ABTB3: variants seen among roughly 807,000 people sequenced by gnomAD.
ABTB3 encodes ankyrin repeat and BTB domain containing 3.
chr12:107,510,662 A>ATT, the ABTB3 span, among the ~76,000 whole-genome samples: 1 of 152,054 alleles, frequency 6.6e-6, no homozygotes, highest in Non-Finnish European at 1.5e-5. Flanking sequence ...TGCCTGTGAA[A>ATT]GGAATCCCAG....
the ABTB3 span, among the ~76,000 whole-genome samples, chr12:107,559,171 A>C: frequency 6.6e-6 from 1 of 152,202 alleles, no homozygotes; most frequent in East Asian, 1.9e-4. Context: ...TGCTTCCTGC[A>C]AGAGTCCCAA....
chr12:107,357,248 A>G, the ABTB3 span, among the ~76,000 whole-genome samples: 2,349 of 152,238 alleles, frequency 0.015, 72 homozygotes, highest in African/African-American at 0.054. Context: ...CTGTGCTCCC[A>G]CCTCCACCAA....
chr12:107,445,562 G>C, the ABTB3 span, among the ~76,000 whole-genome samples: 1 of 152,182 alleles, frequency 6.6e-6, no homozygotes, highest in Non-Finnish European at 1.5e-5. Context: ...AGCACTGACA[G>C]AAGAAGGAGA....
chr12:107,581,201 G>A, the ABTB3 span: 2 of 1,536,014 alleles, frequency 1.3e-6, no homozygotes, highest in Admixed American at 2.0e-5. Flanking sequence ...GGTGGCCGTG[G>A]CGCACGCCGG....
At chr12:107,369,706 G>GTTTT in the ABTB3 span, among the ~76,000 whole-genome samples, 3 of 74,776 alleles carry the variant, frequency 4.0e-5, no homozygotes, top group African/African-American at 1.4e-4. Context: ...GCCCAAACAT[G>GTTTT]GTTTTTTTTT....
At chr12:107,460,347 GAA>G in the ABTB3 span, among the ~76,000 whole-genome samples, 1 of 152,178 alleles carries the variant, frequency 6.6e-6, no homozygotes, top group East Asian at 1.9e-4. Flanking sequence ...TTCTGGCTGG[GAA>G]AATGGTTTGA....
At chr12:107,610,346 G>A in the ABTB3 span, 2 of 1,614,016 alleles carry the variant, frequency 1.2e-6, no homozygotes, top group Admixed American at 1.7e-5. Flanking sequence ...TCAACACCAT[G>A]AGCGAACAGG....
chr12:107,414,742 G>A, the ABTB3 span, among the ~76,000 whole-genome samples: 40 of 141,450 alleles, frequency 2.8e-4, no homozygotes, highest in Non-Finnish European at 4.5e-4. Flanking sequence ...TTTTGAGGCA[G>A]AGTCTCACTT....
At chr12:107,418,508 C>A in the ABTB3 span, among the ~76,000 whole-genome samples, 100 of 152,338 alleles carry the variant, frequency 6.6e-4, no homozygotes, top group Non-Finnish European at 1.0e-3. Flanking sequence ...TCACTCCAGC[C>A]CCAGCCCACC....
At chr12:107,429,830 T>A in the ABTB3 span, among the ~76,000 whole-genome samples, 1 of 152,256 alleles carries the variant, frequency 6.6e-6, no homozygotes, top group Non-Finnish European at 1.5e-5. Flanking sequence ...CCATTGCGGA[T>A]GTGACCTTTT....
the ABTB3 span, among the ~76,000 whole-genome samples, chr12:107,355,597 A>T: frequency 6.6e-6 from 1 of 152,194 alleles, no homozygotes; most frequent in Non-Finnish European, 1.5e-5. Context: ...ACTTTCTATT[A>T]CAGGCTCAGG....
chr12:107,355,077 C>G, the ABTB3 span, among the ~76,000 whole-genome samples: 1 of 152,164 alleles, frequency 6.6e-6, no homozygotes, highest in African/African-American at 2.4e-5. Context: ...TTTGAGGGGT[C>G]CCTCGCCCAA....
At chr12:107,413,877 C>T in the ABTB3 span, among the ~76,000 whole-genome samples, 2 of 152,178 alleles carry the variant, frequency 1.3e-5, no homozygotes, top group African/African-American at 4.8e-5. Flanking sequence ...TTAGACAAAG[C>T]TAAATTGGCT....
the ABTB3 span, among the ~76,000 whole-genome samples, chr12:107,356,822 G>GC: frequency 6.6e-6 from 1 of 152,218 alleles, no homozygotes; most frequent in South Asian, 2.1e-4. Context: ...AGATCTGTCA[G>GC]TGATCCCGCC....
the ABTB3 span, chr12:107,659,414 G>A: frequency 1.3e-5 from 2 of 152,252 alleles, no homozygotes; most frequent in African/African-American, 4.8e-5. Flanking sequence ...AAGAGTCCAA[G>A]CTACAGATAC....
chr12:107,319,702 C>T, the ABTB3 span: 63 of 1,533,764 alleles, frequency 4.1e-5, no homozygotes, highest in African/African-American at 6.6e-4. Context: ...GGGTCGTGGC[C>T]TCCGGGGTGC....
At chr12:107,461,046 C>T in the ABTB3 span, among the ~76,000 whole-genome samples, 2 of 152,040 alleles carry the variant, frequency 1.3e-5, no homozygotes, top group Non-Finnish European at 2.9e-5. Flanking sequence ...GGGGAGGCCT[C>T]ACAATCATGG....
the ABTB3 span, among the ~76,000 whole-genome samples, chr12:107,477,027 C>G: frequency 6.6e-6 from 1 of 152,162 alleles, no homozygotes; most frequent in Non-Finnish European, 1.5e-5. Flanking sequence ...AAATCCACAT[C>G]AGGTGTGTCC....
At chr12:107,573,672 G>A in the ABTB3 span, among the ~76,000 whole-genome samples, 1 of 152,232 alleles carries the variant, frequency 6.6e-6, no homozygotes, top group Non-Finnish European at 1.5e-5. Flanking sequence ...ATACTGGCAA[G>A]TTCAAAATCT....
Sources: gnomAD v4.1 joint callset for allele counts (sites outside exome capture counted in the v4.1 genomes callset) on GRCh38, gnomAD v4.1.1 for gene constraint, MANE v1.5 for transcripts, NCBI Gene and HGNC (gene_info 2026-07-23, HGNC 2026-07-21) for gene names.